MBD5: variants seen among roughly 807,000 people sequenced by gnomAD.
MBD5 encodes the protein methyl-CpG binding domain protein 5.
A neutral mutation model predicts 117.3 loss-of-function variants in MBD5; 13 were observed. The observed-to-expected ratio is 0.11, with a 90% CI of 0.07 to 0.18. The LOEUF (loss-of-function observed/expected upper bound fraction) is 0.18, where lower values mean the gene tolerates loss of function less well. Among genes scored for constraint, MBD5 ranks in the 10% least tolerant of loss-of-function variants. The pLI is 1.00. For missense variants in MBD5, 1,879 were observed against 2,093.8 expected (o/e 0.90, Z 2.00); for synonymous variants, 727 against 766.4 (o/e 0.95, Z 0.85).
chr2:148,099,291 ATG>A (rs1195919517), intron 1 of MBD5, among the ~76,000 whole-genome samples: 5 of 152,190 alleles, frequency 3.3e-5, no homozygotes, highest in Admixed American at 6.5e-5. Flanking sequence ...CTTTAGTTAG[ATG>A]TGCATTATTT....
intron 3 of MBD5, among the ~76,000 whole-genome samples, chr2:148,266,432 A>T (rs1700862190): frequency 6.6e-6 from 1 of 152,014 alleles, no homozygotes; most frequent in Non-Finnish European, 1.5e-5. Context: ...TAAGAAAAAA[A>T]TTTTAAGAAT....
intron 3 of MBD5, among the ~76,000 whole-genome samples, chr2:148,305,120 A>C (rs1701863282): frequency 6.6e-6 from 1 of 152,174 alleles, no homozygotes; most frequent in Non-Finnish European, 1.5e-5. Context: ...GATATCAAGG[A>C]TGGGAGATTT....
Position 148,468,955 on chromosome 2 carries a change from C to A in MBD5, c.1012C>A (p.Pro338Thr), listed in dbSNP as rs755505551. The change falls in exon 8 of 14, where the codon CCC (proline) becomes ACC (threonine). Residue 338 changes from proline to threonine, a missense_variant. Physicochemically the swap from Pro to Thr is conservative, Grantham distance 38. Transcript: ENST00000642680. The stretch of plus-strand genomic sequence containing the variant: ...CCACAAACCACCCCAAGGCCCACCT[C>A]CCCCTCCTCCACCTTCTTGTGCTCT... ...FHHKPPQGPP[P>T]PPPPSCALQK... The A allele has an allele frequency of 1.5e-5, 24 of 1,613,486 alleles. No individual in the cohort carries two copies. The highest frequency in any genetic ancestry group is 1.7e-5 in the Non-Finnish European group (20 of 1,179,852).
chr2:148,158,812 C>T (rs1338004888), intron 1 of MBD5, among the ~76,000 whole-genome samples: 4 of 152,168 alleles, frequency 2.6e-5, no homozygotes, highest in Non-Finnish European at 4.4e-5. Flanking sequence ...CTCCGCCTCC[C>T]GGGTTCAAGT....
chr2:148,405,013 T>C (rs2105122770), intron 4 of MBD5, among the ~76,000 whole-genome samples: 1 of 152,336 alleles, frequency 6.6e-6, no homozygotes, highest in South Asian at 2.1e-4. Context: ...ATCTTTAGGC[T>C]TTTAATTTGT....
At chr2:148,183,826 T>C (rs1375542619) in intron 2 of MBD5, among the ~76,000 whole-genome samples, 1 of 152,170 alleles carries the variant, frequency 6.6e-6, no homozygotes, top group Non-Finnish European at 1.5e-5. Context: ...ATATATGTCA[T>C]CATAGCCTCA....
intron 2 of MBD5, among the ~76,000 whole-genome samples, chr2:148,181,383 A>G (rs1353270164): frequency 6.6e-6 from 1 of 152,190 alleles, no homozygotes; most frequent in Non-Finnish European, 1.5e-5. Flanking sequence ...ACCCAGGAGC[A>G]GAATTGCTGG....
intron 1 of MBD5, among the ~76,000 whole-genome samples, chr2:148,073,169 A>G (rs952621785): frequency 1.3e-5 from 2 of 152,138 alleles, no homozygotes; most frequent in African/African-American, 4.8e-5. Flanking sequence ...CTATTACTGT[A>G]TGCCAAGGAG....
intron 8 of MBD5, chr2:148,472,327 A>G (rs1156605131): frequency 6.6e-6 from 1 of 152,112 alleles, no homozygotes; most frequent in Non-Finnish European, 1.5e-5. Context: ...AAGGATAAGG[A>G]TACATGTCTA....
intron 3 of MBD5, among the ~76,000 whole-genome samples, chr2:148,252,035 G>A (rs557735809): frequency 6.6e-6 from 1 of 152,270 alleles, no homozygotes; most frequent in East Asian, 1.9e-4. Context: ...ATGTGTAGAG[G>A]CATTGTTGGC....
intron 1 of MBD5, among the ~76,000 whole-genome samples, chr2:148,088,447 G>A (rs969200023): frequency 2.6e-5 from 4 of 152,118 alleles, no homozygotes; most frequent in African/African-American, 4.8e-5. Context: ...AGAATCTTAA[G>A]AACTGTGAGT....
intron 4 of MBD5, among the ~76,000 whole-genome samples, chr2:148,402,475 C>T (rs571013428): frequency 1.3e-5 from 2 of 152,064 alleles, no homozygotes; most frequent in Non-Finnish European, 2.9e-5. Context: ...AATGAAAATA[C>T]AACCACCAAA....
intron 4 of MBD5, among the ~76,000 whole-genome samples, chr2:148,369,717 G>A (rs987202475): frequency 6.6e-6 from 1 of 151,698 alleles, no homozygotes; most frequent in Admixed American, 6.6e-5. Context: ...ATAGCTTTTG[G>A]TATACTCCTG....
chr2:148,470,360 C>A lies in MBD5; in HGVS notation c.2417C>A (p.Ser806Tyr). 6.2e-7 allele frequency: 1 copy of A among 1,613,818 alleles called. No individual in the cohort carries two copies. The highest frequency in any genetic ancestry group is 1.3e-5 in the African/African-American group (1 of 75,016). Reference protein sequence around the residue: ...LSQSGMALGNSLHPNPPQSRI... With the variant: ...LSQSGMALGNYLHPNPPQSRI... Reference sequence around the variant, plus strand: ...CAGTCGGGCATGGCTTTAGGAAATTCCTTACATCCCAATCCACCTCAGTCA... The same window carrying A: ...CAGTCGGGCATGGCTTTAGGAAATTACTTACATCCCAATCCACCTCAGTCA... The change falls in exon 8 of 14, where the codon TCC becomes TAC. Residue 806 changes from serine to tyrosine, a missense_variant. Physicochemically the swap from Ser to Tyr is moderately radical, Grantham distance 144. Coordinates refer to ENST00000642680, the MANE Select transcript of MBD5 (RefSeq NM_001378120.1).
At position 148,441,368 on chromosome 2, in the gene MBD5, T is replaced by G. The variant is rs958616961; in HGVS notation, c.-556-16835T>G. On this transcript the variant is annotated intron_variant, in intron 4 of 13. Coordinates refer to ENST00000642680, the MANE Select transcript of MBD5 (RefSeq NM_001378120.1). ...AGAACATGCGGTGTTTGGTTTTTTG[T>G]CCTTGCGATAGTTTGCTGAGAATGA... is the stretch of plus-strand genomic sequence containing the variant. 3.2e-4 allele frequency among the ~76,000 whole-genome samples: 49 copies of G among 152,242 alleles called. No homozygotes were observed. The East Asian group carries it at 7.9e-3, about 25-fold the overall frequency.
chr2:148,115,132 C>A (rs571466266), intron 1 of MBD5, among the ~76,000 whole-genome samples: 12 of 152,090 alleles, frequency 7.9e-5, no homozygotes, highest in Non-Finnish European at 1.6e-4. Flanking sequence ...CTGGTAACAT[C>A]TTGTCAGATT....
chr2:148,102,002 A>G (rs763672332), intron 1 of MBD5, among the ~76,000 whole-genome samples: 2 of 152,092 alleles, frequency 1.3e-5, no homozygotes, highest in Non-Finnish European at 2.9e-5. Flanking sequence ...TCTTGTTTCT[A>G]TCTTAACCCA....
At chr2:148,235,297 A>G (rs1405009472) in intron 3 of MBD5, among the ~76,000 whole-genome samples, 2 of 152,158 alleles carry the variant, frequency 1.3e-5, no homozygotes, top group Non-Finnish European at 2.9e-5. Flanking sequence ...CTATACTATC[A>G]AATTTCTTTT....
chr2:148,421,419 CT>C (rs1422704438), intron 4 of MBD5, among the ~76,000 whole-genome samples: 9 of 152,206 alleles, frequency 5.9e-5, no homozygotes, highest in Non-Finnish European at 7.3e-5. Context: ...TTCCCATGGT[CT>C]TTGCAACCCG....
Sources: gnomAD v4.1 joint callset for allele counts (sites outside exome capture counted in the v4.1 genomes callset) on GRCh38, gnomAD v4.1.1 for gene constraint, MANE v1.5 for transcripts, NCBI Gene and HGNC (gene_info 2026-07-23, HGNC 2026-07-21) for gene names.